The following EPHA6 variants were observed in gnomAD, a reference collection of about 807,000 sequenced individuals.
EPHA6 encodes the protein ephrin type-A receptor 6.
In EPHA6, 50 loss-of-function variants were observed where a neutral mutation model predicts 112.0. That is an observed-to-expected ratio of 0.45 (90% CI 0.36 to 0.56). The LOEUF (loss-of-function observed/expected upper bound fraction) is 0.56, where lower values mean the gene tolerates loss of function less well. Ranked by LOEUF, EPHA6 falls within the 20% of genes least tolerant of loss-of-function variation. The pLI, the probability that EPHA6 is intolerant of heterozygous loss-of-function variation, is 0.00. For missense variants in EPHA6, 1,280 were observed against 1,417.4 expected (o/e 0.90, Z 1.56); for synonymous variants, 529 against 490.7 (o/e 1.08, Z -1.03).
At chr3:96,988,615 C>A (rs1328664643) in intron 3 of EPHA6, among the ~76,000 whole-genome samples, 2 of 151,922 alleles carry the variant, frequency 1.3e-5, no homozygotes, top group Non-Finnish European at 2.9e-5. Context: ...AATGTATAAG[C>A]TAGTTTATAT....
intron 12 of EPHA6, among the ~76,000 whole-genome samples, chr3:97,602,674 T>A (rs1020282239): frequency 2.0e-5 from 3 of 152,058 alleles, no homozygotes; most frequent in East Asian, 3.9e-4. Context: ...AATATGAGGA[T>A]TAAATGAGTT....
At chr3:97,076,820 C>G (rs1034637170) in intron 3 of EPHA6, among the ~76,000 whole-genome samples, 3 of 152,098 alleles carry the variant, frequency 2.0e-5, no homozygotes, top group African/African-American at 7.2e-5. Context: ...TATGGTAAAT[C>G]TACTCTGCCT....
intron 14 of EPHA6, among the ~76,000 whole-genome samples, chr3:97,688,629 A>T (rs2032431637): frequency 6.6e-6 from 1 of 151,344 alleles, no homozygotes; most frequent in Non-Finnish European, 1.5e-5. Context: ...AATGTAAATG[A>T]TGAGTTAACA....
At chr3:97,221,590 C>T (rs2078202344) in intron 3 of EPHA6, among the ~76,000 whole-genome samples, 1 of 152,068 alleles carries the variant, frequency 6.6e-6, no homozygotes, top group Non-Finnish European at 1.5e-5. Context: ...GTTCTCAAGA[C>T]ATGAGTACTG....
At chr3:97,572,973 A>T (rs1452881086) in intron 11 of EPHA6, among the ~76,000 whole-genome samples, 1 of 152,202 alleles carries the variant, frequency 6.6e-6, no homozygotes, top group Non-Finnish European at 1.5e-5. Flanking sequence ...ATGCTCTTTG[A>T]TTACATTTGG....
intron 5 of EPHA6, among the ~76,000 whole-genome samples, chr3:97,343,524 T>C (rs1017954396): frequency 6.6e-6 from 1 of 152,086 alleles, no homozygotes; most frequent in Admixed American, 6.6e-5. Flanking sequence ...GAGAGTATAT[T>C]CAGAAGAGAA....
In EPHA6 at chr3:97,144,588, C is replaced by T. The variant is rs149575829; in HGVS notation, c.1115-81676C>T. ...CTCCTATTCAATATTTCTGTTGCTA[C>T]ACCACTGTAAATATTGTTCACTGCT... is the stretch of plus-strand genomic sequence containing the variant. On this transcript the variant is annotated intron_variant, in intron 3 of 17. Transcript: ENST00000389672. Among the ~76,000 whole-genome samples the T allele has an allele frequency of 4.0e-3, 612 of 151,282 alleles. 3 individuals carry two copies. The highest frequency in any genetic ancestry group is 0.014 in the African/African-American group (576 of 41,412).
At chr3:97,557,934 A>G (rs1489804478) in intron 11 of EPHA6, among the ~76,000 whole-genome samples, 1 of 151,830 alleles carries the variant, frequency 6.6e-6, no homozygotes. Context: ...CTTTAGCTAT[A>G]TTTGCTTTCA....
intron 3 of EPHA6, among the ~76,000 whole-genome samples, chr3:97,179,723 C>T (rs1394826464): frequency 7.9e-6 from 1 of 127,254 alleles, no homozygotes; most frequent in African/African-American, 2.8e-5. Flanking sequence ...CAGAGTCTCT[C>T]TCTCTCTCTC....
chr3:96,822,866 T>C (rs941552981), intron 1 of EPHA6, among the ~76,000 whole-genome samples: 5 of 151,398 alleles, frequency 3.3e-5, no homozygotes, highest in East Asian at 1.9e-4. Flanking sequence ...CACCTAGAAA[T>C]AGGAAAAGCA....
chr3:97,405,842 C>T (rs911330743), intron 6 of EPHA6, among the ~76,000 whole-genome samples: 1 of 151,892 alleles, frequency 6.6e-6, no homozygotes, highest in Non-Finnish European at 1.5e-5. Flanking sequence ...AATAATGGAA[C>T]CCTTATTTCC....
intron 3 of EPHA6, among the ~76,000 whole-genome samples, chr3:97,178,495 T>C (rs1272955481): frequency 6.6e-6 from 1 of 152,114 alleles, no homozygotes; most frequent in East Asian, 1.9e-4. Context: ...CTTTTCTTTC[T>C]GATTGCAGTG....
intron 8 of EPHA6, among the ~76,000 whole-genome samples, chr3:97,478,202 ATAAGT>A (rs2091432187): frequency 1.3e-5 from 2 of 152,184 alleles, no homozygotes; most frequent in African/African-American, 4.8e-5. Context: ...CTTGTAGAAC[ATAAGT>A]TAAGGCCTTA....
chr3:97,391,104 A>G (rs564821183), intron 5 of EPHA6, among the ~76,000 whole-genome samples: 4 of 151,988 alleles, frequency 2.6e-5, no homozygotes, highest in South Asian at 4.2e-4. Context: ...TGGCATTACT[A>G]TTATCATTAT....
chr3:97,134,033 G>A (rs1186834377), intron 3 of EPHA6, among the ~76,000 whole-genome samples: 3 of 151,698 alleles, frequency 2.0e-5, no homozygotes, highest in South Asian at 4.1e-4. Flanking sequence ...TTGTTTTCAT[G>A]AAATTTTAAA....
chr3:96,861,094 T>C (rs1166322359), intron 1 of EPHA6, among the ~76,000 whole-genome samples: 1 of 152,050 alleles, frequency 6.6e-6, no homozygotes, highest in Non-Finnish European at 1.5e-5. Flanking sequence ...GTGCTGGTAA[T>C]AGCAGGTTTT....
chr3:97,149,288 C>T (rs758814064), intron 3 of EPHA6, among the ~76,000 whole-genome samples: 2 of 152,142 alleles, frequency 1.3e-5, no homozygotes, highest in Non-Finnish European at 2.9e-5. Flanking sequence ...CTAAAAATTG[C>T]TGTGGCAGGA....
intron 6 of EPHA6, among the ~76,000 whole-genome samples, chr3:97,427,752 A>G (rs2089243109): frequency 6.6e-6 from 1 of 152,058 alleles, no homozygotes; most frequent in Non-Finnish European, 1.5e-5. Flanking sequence ...AAAACAACAA[A>G]ACCATGTCCT....
chr3:97,484,150 T>G (rs1466478454), intron 10 of EPHA6, 91 bp downstream of exon 10: 2 of 1,292,140 alleles, frequency 1.5e-6, no homozygotes, highest in African/African-American at 3.1e-5. Context: ...TTGGCAGTTT[T>G]GGTCATTGAA....
Sources: allele counts gnomAD v4.1 joint callset (sites outside exome capture counted in the v4.1 genomes callset), GRCh38; gene constraint gnomAD v4.1.1; transcripts MANE v1.5; gene names NCBI Gene and HGNC (gene_info 2026-07-23, HGNC 2026-07-21).